FAM13B: variants seen among roughly 807,000 people sequenced by gnomAD.
FAM13B encodes the protein protein FAM13B.
In FAM13B, 60 loss-of-function variants were observed where a neutral mutation model predicts 117.3. The ratio of observed to expected loss-of-function variants is 0.51; its 90% CI spans 0.42 to 0.63. The LOEUF (loss-of-function observed/expected upper bound fraction) is 0.63. FAM13B is among the 30% of genes least tolerant of loss of function. The pLI, the probability that FAM13B is intolerant of heterozygous loss-of-function variation, is 0.00. For synonymous variants in FAM13B, 332 were observed against 356.1 expected, an observed-to-expected ratio of 0.93 and a Z score of 0.76; for missense variants, 972 against 1,091.9, an observed-to-expected ratio of 0.89 and a Z score of 1.55.
rs1376773957 is a variant in FAM13B at position 138,019,079 on chromosome 5, G to A, written c.33C>T (p.Asn11=). 2 of 1,613,852 alleles carry A rather than the reference G, an allele frequency of 1.2e-6. No homozygotes were observed. Among genetic ancestry groups the A allele is most frequent in the Non-Finnish European group, 1.7e-6 (2 of 1,179,962 alleles). ...TTTTGTTAGCAAGAACGGAGTTGCA[G>A]TTACTCAAGGAAGGGGAGGAGCTCT... MRKSSSPSLS[N]CNSVLANKIF... Residue 11 remains asparagine, a synonymous_variant, in exon 3 of 24, where the codon AAC becomes AAT. Transcript: ENST00000689681.
chr5:138,013,851 A>ACCT (rs1784638610), intron 4 of FAM13B, among the ~76,000 whole-genome samples: 3 of 152,134 alleles, frequency 2.0e-5, no homozygotes, highest in African/African-American at 7.2e-5. Context: ...TGTGGCACTT[A>ACCT]ATGTCTAGCA....
At chr5:137,991,752 C>T (rs1778648972) in intron 7 of FAM13B, among the ~76,000 whole-genome samples, 1 of 152,170 alleles carries the variant, frequency 6.6e-6, no homozygotes, top group African/African-American at 2.4e-5. Flanking sequence ...GCCCCAACCT[C>T]ACACATGAGA....
chr5:138,001,997 C>G (rs1781388089), intron 7 of FAM13B, among the ~76,000 whole-genome samples: 2 of 151,954 alleles, frequency 1.3e-5, no homozygotes, highest in Non-Finnish European at 2.9e-5. Flanking sequence ...ACCTTACAGG[C>G]CATTTAAGAA....
chr5:138,011,891 A>C lies in FAM13B; in HGVS notation c.425T>G (p.Leu142Arg). The change falls in exon 5 of 24, where the codon CTT (leucine) becomes CGT (arginine). Residue 142 changes from leucine to arginine, a missense_variant. Leu to Arg is a moderately radical substitution (Grantham distance 102). Transcript: ENST00000689681. ...TAACAAACTATAATTAACAGGTGGA[A>C]GCTGTTGCAAGAGGAACCTCAACTT... ...GRKLRFLLQQLPPVNYSLLKF... is the reference protein window; with the variant it reads ...GRKLRFLLQQRPPVNYSLLKF... 6.2e-7 allele frequency: 1 copy of C among 1,601,394 alleles called. No homozygotes were observed. Among genetic ancestry groups the C allele is most frequent in the Non-Finnish European group, 8.5e-7 (1 of 1,176,622 alleles).
chr5:137,987,643 A>G, intron 8 of FAM13B, 27 bp from the exon 9 acceptor site: 1 of 1,598,930 alleles, frequency 6.3e-7, no homozygotes, highest in Non-Finnish European at 8.5e-7. Context: ...TTTAGTAAGA[A>G]GCAGTCACTC....
At chr5:138,029,936 C>A (rs1789451731) in intron 1 of FAM13B, among the ~76,000 whole-genome samples, 2 of 151,990 alleles carry the variant, frequency 1.3e-5, no homozygotes, top group South Asian at 2.1e-4. Flanking sequence ...ATTATATATA[C>A]AAGGAAAAGA....
At chr5:138,005,902 CTT>C (rs869171895) in intron 7 of FAM13B, among the ~76,000 whole-genome samples, 8 of 143,778 alleles carry the variant, frequency 5.6e-5, no homozygotes, top group Admixed American at 1.4e-4. Context: ...ATTTCCTCTT[CTT>C]TTTTTTTTTT....
intron 10 of FAM13B, among the ~76,000 whole-genome samples, chr5:137,971,138 C>G (rs1771997576): frequency 6.6e-6 from 1 of 151,492 alleles, no homozygotes; most frequent in African/African-American, 2.4e-5. Context: ...AACTCTCCAC[C>G]CCAAATCAAC....
chr5:137,962,573 C>T, intron 10 of FAM13B, 104 bp from the exon 11 acceptor site: 1 of 876,634 alleles, frequency 1.1e-6, no homozygotes, highest in East Asian at 2.6e-5. Context: ...AGTCAAACAC[C>T]CCTAATTAGC....
chr5:138,041,825 C>G (rs1791509665), intron 1 of FAM13B, among the ~76,000 whole-genome samples: 1 of 151,596 alleles, frequency 6.6e-6, no homozygotes, highest in Admixed American at 6.6e-5. Flanking sequence ...TCACCTGAAC[C>G]TGGTAATTCA....
rs1783147092 is a variant in FAM13B at position 138,008,624 on chromosome 5, T to C, written c.691-1477A>G. On this transcript the variant is annotated intron_variant, in intron 6 of 23. Coordinates refer to ENST00000689681, the MANE Select transcript of FAM13B (RefSeq NM_001385994.1). Reference sequence around the variant, plus strand: ...ACAGAGCTGGTTGAAAGGATTAATATATGTAACCTCTTCAGCAATGTCTAT... The same window carrying C: ...ACAGAGCTGGTTGAAAGGATTAATACATGTAACCTCTTCAGCAATGTCTAT... Among the ~76,000 whole-genome samples, 3 of 152,324 alleles carry C rather than the reference T, an allele frequency of 2.0e-5. No individual in the cohort carries two copies. In the South Asian group the frequency reaches 6.2e-4, roughly 32 times the overall value.
intron 10 of FAM13B, among the ~76,000 whole-genome samples, chr5:137,980,408 C>T (rs1008815675): frequency 6.6e-6 from 1 of 150,380 alleles, no homozygotes; most frequent in Non-Finnish European, 1.5e-5. Flanking sequence ...TTAGTTCCTG[C>T]TCTCTTTATA....
At chr5:137,975,670 T>TA (rs139473872) in intron 10 of FAM13B, among the ~76,000 whole-genome samples, 3,355 of 152,048 alleles carry the variant, frequency 0.022, 105 homozygotes, top group African/African-American at 0.076. Context: ...ACCTCTCGCT[T>TA]AAAAAAATAT....
intron 1 of FAM13B, 82 bp from the exon 2 acceptor site, chr5:138,021,279 C>T: frequency 1.0e-5 from 11 of 1,062,304 alleles, no homozygotes; most frequent in Non-Finnish European, 1.3e-5. Context: ...CAGTACAGTC[C>T]TCTTAAGAGG....
chr5:138,044,089 T>A (rs1391734211), intron 1 of FAM13B, among the ~76,000 whole-genome samples: 2 of 151,294 alleles, frequency 1.3e-5, no homozygotes, highest in Non-Finnish European at 1.5e-5. Context: ...TAGCTTTTTT[T>A]ATGTATTTTT....
At chr5:137,968,083 G>A (rs936078740) in intron 10 of FAM13B, among the ~76,000 whole-genome samples, 5 of 151,856 alleles carry the variant, frequency 3.3e-5, no homozygotes, top group East Asian at 1.9e-4. Context: ...TTAGCCAGGC[G>A]TAGTGGCGTG....
intron 1 of FAM13B, among the ~76,000 whole-genome samples, chr5:138,032,015 T>C (rs904176091): frequency 6.6e-6 from 1 of 152,226 alleles, no homozygotes; most frequent in African/African-American, 2.4e-5. Context: ...CCCAACTTTT[T>C]TCACTGATTA....
intron 7 of FAM13B, among the ~76,000 whole-genome samples, chr5:138,004,626 A>G (rs113101711): frequency 2.0e-3 from 303 of 152,362 alleles, no homozygotes; most frequent in African/African-American, 6.3e-3. Context: ...TTACATTTAA[A>G]TACACACAAG....
intron 7 of FAM13B, among the ~76,000 whole-genome samples, chr5:137,995,701 G>A (rs1235782726): frequency 6.6e-6 from 1 of 152,110 alleles, no homozygotes; most frequent in Non-Finnish European, 1.5e-5. Flanking sequence ...TATGACAAGA[G>A]TATATCAAAA....
Sources: allele counts gnomAD v4.1 joint callset (sites outside exome capture counted in the v4.1 genomes callset), GRCh38; gene constraint gnomAD v4.1.1; transcripts MANE v1.5; gene names NCBI Gene and HGNC (gene_info 2026-07-23, HGNC 2026-07-21).